Variants in ERN1 observed in about 807,000 individuals in gnomAD.
The protein encoded by ERN1 is serine/threonine-protein kinase/endoribonuclease IRE1.
Under a neutral mutation model 113.1 loss-of-function variants are expected in ERN1, and 39 were observed. That is an observed-to-expected ratio of 0.34 (90% CI 0.27 to 0.45). The LOEUF (loss-of-function observed/expected upper bound fraction) is 0.45, where lower values mean the gene tolerates loss of function less well. ERN1 is among the 20% of genes least tolerant of loss of function. The probability of loss-of-function intolerance (pLI) is 1.00; values close to 1 mark genes in which losing one functional copy is unlikely to be tolerated. For missense variants in ERN1, 976 were observed against 1,274.8 expected, an observed-to-expected ratio of 0.77 and a Z score of 3.57; for synonymous variants, 507 against 515.9, an observed-to-expected ratio of 0.98 and a Z score of 0.23.
chr17:64,094,302 G>A (rs1036791197), intron 2 of ERN1, among the ~76,000 whole-genome samples: 1 of 152,122 alleles, frequency 6.6e-6, no homozygotes, highest in Non-Finnish European at 1.5e-5. Flanking sequence ...GCATCAACAG[G>A]CACAGCATTT....
chr17:64,110,198 T>C (rs1049119427), intron 1 of ERN1, among the ~76,000 whole-genome samples: 4 of 152,174 alleles, frequency 2.6e-5, no homozygotes, highest in African/African-American at 9.7e-5. Context: ...CCAGTCTTTT[T>C]AAAAAAAGTT....
intron 1 of ERN1, among the ~76,000 whole-genome samples, chr17:64,123,641 A>G (rs546455925): frequency 1.1e-4 from 16 of 152,324 alleles, no homozygotes; most frequent in Middle Eastern, 3.4e-3. Context: ...AATACTACAT[A>G]CAATCAGCAA....
intron 8 of ERN1, among the ~76,000 whole-genome samples, 183 bp from the exon 9 acceptor site, chr17:64,065,470 T>C (rs954754166): frequency 1.3e-5 from 2 of 152,118 alleles, no homozygotes; most frequent in African/African-American, 2.4e-5. Flanking sequence ...CAGGACTTCA[T>C]CCCAGCTGTC....
intron 17 of ERN1, among the ~76,000 whole-genome samples, chr17:64,051,382 G>A (rs765852504): frequency 4.6e-5 from 7 of 152,168 alleles, no homozygotes; most frequent in Non-Finnish European, 1.0e-4. Flanking sequence ...AACCCTTATG[G>A]TAGAGAGATC....
At chr17:64,064,667 G>A (rs1238053075) in intron 9 of ERN1, among the ~76,000 whole-genome samples, 2 of 152,192 alleles carry the variant, frequency 1.3e-5, no homozygotes, top group Non-Finnish European at 2.9e-5. Flanking sequence ...GGATTATGAC[G>A]CCTTGGACTT....
intron 2 of ERN1, chr17:64,097,752 AG>A (rs1914269236): frequency 5.3e-6 from 1 of 189,032 alleles, no homozygotes; most frequent in African/African-American, 2.4e-5. Flanking sequence ...GGTGTTGAGA[AG>A]ATACCTTCTT....
chr17:64,098,464 T>C (rs1372121999), intron 1 of ERN1: 1 of 725,504 alleles, frequency 1.4e-6, no homozygotes, highest in African/African-American at 1.7e-5. Context: ...GCTCATGACC[T>C]AACATTACAA....
Position 64,068,326 on chromosome 17 carries a change from G to A in ERN1, c.479-35C>T, listed in dbSNP as rs1335990850. Reference sequence around the variant, plus strand: ...ACAGACCAGCCAGCCCATTACCACGGAGGGGCCATAGTACCTACTGAGGTG... The same window carrying A: ...ACAGACCAGCCAGCCCATTACCACGAAGGGGCCATAGTACCTACTGAGGTG... On this transcript the variant is annotated intron_variant, in intron 6 of 21. Transcript: ENST00000433197. The A allele has an allele frequency of 3.5e-6, 5 of 1,447,616 alleles. No individual in the cohort carries two copies. In the African/African-American group the frequency reaches 5.6e-5, roughly 16 times the overall value. 89.7% of individuals were successfully genotyped at this position (1,447,616 alleles called of 1,614,324 possible).
intron 17 of ERN1, among the ~76,000 whole-genome samples, chr17:64,051,576 C>T (rs908324400): frequency 2.0e-5 from 3 of 152,228 alleles, no homozygotes; most frequent in Non-Finnish European, 2.9e-5. Flanking sequence ...AAATGTTCAA[C>T]GCTGTCATGA....
At chr17:64,070,807 G>A (rs761954967) in intron 6 of ERN1, among the ~76,000 whole-genome samples, 18 of 151,988 alleles carry the variant, frequency 1.2e-4, no homozygotes, top group Non-Finnish European at 2.1e-4. Context: ...TTTAAGTATC[G>A]TTCAACAATT....
At chr17:64,071,909 A>G (rs1256805496) in intron 6 of ERN1, 72 bp downstream of exon 6, 2 of 1,524,544 alleles carry the variant, frequency 1.3e-6, no homozygotes, top group Non-Finnish European at 1.8e-6. Context: ...CCTTCTAGGG[A>G]AGGAGGCTGG....
intron 19 of ERN1, among the ~76,000 whole-genome samples, chr17:64,046,994 CA>C (rs1423754179): frequency 6.6e-6 from 1 of 152,210 alleles, no homozygotes; most frequent in Admixed American, 6.5e-5. Flanking sequence ...CTATTTTAAG[CA>C]AAAGGAGATC....
intron 12 of ERN1, 69 bp from the exon 13 acceptor site, chr17:64,056,017 A>C: frequency 2.0e-6 from 3 of 1,474,614 alleles, no homozygotes; most frequent in Non-Finnish European, 2.7e-6. Context: ...CTGGGAAGGG[A>C]CAGGTCCCAG....
intron 1 of ERN1, among the ~76,000 whole-genome samples, chr17:64,115,244 C>A (rs1251563575): frequency 6.6e-6 from 1 of 152,198 alleles, no homozygotes; most frequent in Admixed American, 6.5e-5. Flanking sequence ...CAATCTCTTC[C>A]AGGCACTCCC....
chr17:64,119,815 A>G (rs1022676747), intron 1 of ERN1, among the ~76,000 whole-genome samples: 7 of 152,134 alleles, frequency 4.6e-5, no homozygotes, highest in Non-Finnish European at 7.3e-5. Context: ...CTGTGACGTG[A>G]CTGGGAATTT....
At chr17:64,094,723 C>T (rs1053985661) in intron 2 of ERN1, among the ~76,000 whole-genome samples, 4 of 151,876 alleles carry the variant, frequency 2.6e-5, no homozygotes, top group South Asian at 2.1e-4. Context: ...TCAAATGACA[C>T]CTTCTCCGTG....
At position 64,063,781 on chromosome 17, in the gene ERN1, G is replaced by A. The variant is rs1327934396; in HGVS notation, c.1087+205C>T. Among the ~76,000 whole-genome samples, 1 of 152,182 alleles carries A rather than the reference G, an allele frequency of 6.6e-6. No individual in the cohort carries two copies. Among genetic ancestry groups the A allele is most frequent in the East Asian group, 1.9e-4 (1 of 5,198 alleles). ...TACCTGAGTTTTGGAACATTAAACAGTTTTCAAAAACTGACTCAGAAACAC... is the reference window on the plus strand; with the variant it reads ...TACCTGAGTTTTGGAACATTAAACAATTTTCAAAAACTGACTCAGAAACAC... On this transcript the variant is annotated intron_variant, in intron 10 of 21. Coordinates refer to ENST00000433197, the MANE Select transcript of ERN1 (RefSeq NM_001433.5). The surrounding 1 kb of genome is among the most constrained non-coding windows in gnomAD (Gnocchi z 5.1).
chr17:64,099,759 G>A (rs1304254165), intron 1 of ERN1, among the ~76,000 whole-genome samples: 3 of 152,138 alleles, frequency 2.0e-5, no homozygotes, highest in African/African-American at 4.8e-5. Flanking sequence ...AGCCTGAGGT[G>A]GCAGGACAAA....
chr17:64,104,408 A>C (rs1470597569), intron 1 of ERN1, among the ~76,000 whole-genome samples: 3 of 152,200 alleles, frequency 2.0e-5, no homozygotes, highest in Non-Finnish European at 2.9e-5. Flanking sequence ...GAACGTGTGA[A>C]AGCTGAATGT....
Sources: gnomAD v4.1 joint callset for allele counts (sites outside exome capture counted in the v4.1 genomes callset) on GRCh38, gnomAD v4.1.1 for gene constraint, Gnocchi (gnomAD v3.1) non-coding constraint, MANE v1.5 for transcripts, NCBI Gene and HGNC (gene_info 2026-07-23, HGNC 2026-07-21) for gene names.